TACC2: variants seen among roughly 807,000 people sequenced by gnomAD.
TACC2 encodes the protein transforming acidic coiled-coil containing protein 2, also known as transforming acidic coiled-coil-containing protein 2.
TACC2 carries 137 observed loss-of-function variants against 227.3 expected under a neutral mutation model. The ratio of observed to expected loss-of-function variants is 0.60; its 90% CI spans 0.52 to 0.69. The LOEUF is 0.69. TACC2 is among the 30% of genes least tolerant of loss of function. The pLI, the probability that TACC2 is intolerant of heterozygous loss-of-function variation, is 0.00. For synonymous variants in TACC2, 1,523 were observed against 1,487.5 expected, an observed-to-expected ratio of 1.02 and a Z score of -0.55; for missense variants, 3,470 against 3,694.4, an observed-to-expected ratio of 0.94 and a Z score of 1.57.
intron 11 of TACC2, among the ~76,000 whole-genome samples, chr10:122,220,139 AT>A (rs567307745): frequency 2.0e-5 from 3 of 151,148 alleles, no homozygotes; most frequent in Middle Eastern, 3.5e-3. Flanking sequence ...AAATACATGC[AT>A]TTTTTTTTCC....
intron 3 of TACC2, among the ~76,000 whole-genome samples, chr10:122,070,451 A>G (rs953793083): frequency 1.6e-4 from 24 of 152,096 alleles, no homozygotes; most frequent in Non-Finnish European, 3.1e-4. Context: ...TCTACAAAGC[A>G]TAAGAAAATT....
chr10:122,146,915 G>A (rs1030689424), intron 7 of TACC2, among the ~76,000 whole-genome samples: 10 of 152,084 alleles, frequency 6.6e-5, no homozygotes, highest in Non-Finnish European at 1.0e-4. Context: ...GACCTTGACA[G>A]TTCTAAGGAG....
Position 122,237,975 on chromosome 10 carries a change from G to C in TACC2, c.8286G>C (p.Glu2762Asp), listed in dbSNP as rs975775977. The C allele has an allele frequency of 1.9e-6, 3 of 1,613,872 alleles. No individual in the cohort carries two copies. In the African/African-American group the frequency reaches 4.0e-5, roughly 22 times the overall value. Residue 2762 changes from glutamate to aspartate, a missense_variant, in exon 18 of 23, where the codon GAG becomes GAC. Physicochemically the swap from Glu to Asp is conservative, Grantham distance 45. Coordinates refer to ENST00000369005, the MANE Select transcript of TACC2 (RefSeq NM_206862.4). The stretch of plus-strand genomic sequence containing the variant: ...TCTGAAACTAGATCATAACCAAGGA[G>C]AGAGAGGTCTCAGAATGGAAAGATA... ...QIARAEIITK[E>D]REVSEWKDKY...
chr10:122,013,630 A>G (rs1048861669), intron 1 of TACC2, among the ~76,000 whole-genome samples: 6 of 152,212 alleles, frequency 3.9e-5, no homozygotes, highest in Admixed American at 3.9e-4. Flanking sequence ...CTCCCCCTCG[A>G]TGAGCAAACA....
At chr10:122,105,273 G>A (rs951976123) in intron 5 of TACC2, among the ~76,000 whole-genome samples, 16 of 151,812 alleles carry the variant, frequency 1.1e-4, no homozygotes, top group African/African-American at 3.9e-4. Flanking sequence ...CTGACCTTCC[G>A]CATCACATAT....
intron 18 of TACC2, among the ~76,000 whole-genome samples, chr10:122,238,787 G>T (rs557487428): frequency 6.6e-6 from 1 of 152,046 alleles, no homozygotes; most frequent in African/African-American, 2.4e-5. Context: ...TATTTTTGAC[G>T]TATTTTTTAT....
At chr10:122,215,100 A>G (rs922158338) in intron 9 of TACC2, among the ~76,000 whole-genome samples, 2 of 152,226 alleles carry the variant, frequency 1.3e-5, no homozygotes, top group Non-Finnish European at 2.9e-5. Flanking sequence ...GCTTTATAAA[A>G]TACGAACATT....
At chr10:122,102,684 T>G (rs1006760988) in intron 5 of TACC2, among the ~76,000 whole-genome samples, 12 of 152,156 alleles carry the variant, frequency 7.9e-5, no homozygotes, top group Non-Finnish European at 1.6e-4. Context: ...CCTGGCCAGG[T>G]ACATTTGGCT....
chr10:122,169,624 C>T (rs1281596462), intron 7 of TACC2, among the ~76,000 whole-genome samples: 1 of 152,186 alleles, frequency 6.6e-6, no homozygotes, highest in East Asian at 1.9e-4. Flanking sequence ...AGACTTATGT[C>T]CCCTTTGGCC....
At chr10:122,130,899 C>A (rs1484089421) in intron 5 of TACC2, among the ~76,000 whole-genome samples, 3 of 152,168 alleles carry the variant, frequency 2.0e-5, no homozygotes, top group Non-Finnish European at 4.4e-5. Context: ...GCTCACCACA[C>A]CACAGAGTTT....
intron 3 of TACC2, among the ~76,000 whole-genome samples, chr10:122,060,948 T>C (rs2076721409): frequency 1.5e-5 from 2 of 136,920 alleles, no homozygotes; most frequent in African/African-American, 5.7e-5. Flanking sequence ...GAGGTTGCAG[T>C]GAGCGAAGAT....
chr10:122,008,030 C>A (rs1056500937), intron 1 of TACC2, among the ~76,000 whole-genome samples: 4 of 152,118 alleles, frequency 2.6e-5, no homozygotes, highest in African/African-American at 9.7e-5. Context: ...GCGTGTGGCT[C>A]CTTAACCTTG....
chr10:122,134,991 T>C (rs2089287366), intron 6 of TACC2, among the ~76,000 whole-genome samples: 1 of 152,202 alleles, frequency 6.6e-6, no homozygotes, highest in African/African-American at 2.4e-5. Context: ...CTTCCCATGC[T>C]CCAGGCACCA....
At chr10:122,025,503 C>T (rs1032208626) in intron 2 of TACC2, among the ~76,000 whole-genome samples, 2 of 151,934 alleles carry the variant, frequency 1.3e-5, no homozygotes, top group Non-Finnish European at 2.9e-5. Flanking sequence ...CCTCGTGATC[C>T]GCCCACCTCA....
chr10:122,136,543 GTGTATATATATATATA>G (rs2089689446), intron 6 of TACC2, among the ~76,000 whole-genome samples: 1 of 143,256 alleles, frequency 7.0e-6, no homozygotes, highest in East Asian at 2.0e-4. Flanking sequence ...TTGTGTGTGT[GTGTATATATATATATA>G]TATATATATA....
intron 7 of TACC2, among the ~76,000 whole-genome samples, chr10:122,168,690 G>A (rs998995391): frequency 6.6e-6 from 1 of 152,196 alleles, no homozygotes; most frequent in African/African-American, 2.4e-5. Flanking sequence ...TACTGATTGA[G>A]TGTGGCACTG....
At chr10:122,081,953 G>T (rs762622300) in intron 3 of TACC2, among the ~76,000 whole-genome samples, 5 of 152,182 alleles carry the variant, frequency 3.3e-5, no homozygotes, top group African/African-American at 4.8e-5. Flanking sequence ...ATCCCCAGGG[G>T]TGCTGGAGAC....
Position 122,210,915 on chromosome 10 carries a change from C to T in TACC2, c.6490C>T (p.Pro2164Ser). Reference protein sequence around the residue: ...QQEPDEESLVPSGENLASETK... With the variant: ...QQEPDEESLVSSGENLASETK... ...GGAGCCAGATGAAGAGAGCCTTGTC[C>T]CCAGTGGGGAGAATCTAGCATCTGA... The change falls in exon 9 of 23, where the codon CCC (proline) becomes TCC (serine). Residue 2164 changes from proline to serine, a missense_variant. Physicochemically the swap from Pro to Ser is moderately conservative, Grantham distance 74 (BLOSUM62 -1). Transcript: ENST00000369005. The surrounding 1 kb of genome is among the most constrained non-coding windows in gnomAD (Gnocchi z 4.6). 1.2e-6 allele frequency: 2 copies of T among 1,613,724 alleles called. No homozygotes were observed. The highest frequency in any genetic ancestry group is 1.7e-6 in the Non-Finnish European group (2 of 1,179,978).
At chr10:122,113,310 C>T (rs1303162983) in intron 5 of TACC2, 1 of 152,270 alleles carries the variant, frequency 6.6e-6, no homozygotes. Context: ...CAGACAAAGG[C>T]GTACTGGAAG....
Sources: allele counts gnomAD v4.1 joint callset (sites outside exome capture counted in the v4.1 genomes callset), GRCh38; gene constraint gnomAD v4.1.1; non-coding constraint Gnocchi (gnomAD v3.1); transcripts MANE v1.5; gene names NCBI Gene and HGNC (gene_info 2026-07-23, HGNC 2026-07-21).